The following ARHGAP39 variants were observed in gnomAD, a reference collection of about 807,000 sequenced individuals.
The protein encoded by ARHGAP39 is Rho GTPase activating protein 39.
A neutral mutation model predicts 106.9 loss-of-function variants in ARHGAP39; 44 were observed. The ratio of observed to expected loss-of-function variants is 0.41; its 90% CI spans 0.32 to 0.53. The LOEUF is 0.53. ARHGAP39 is among the 20% of genes least tolerant of loss of function. ARHGAP39 has a pLI of 0.21. For synonymous variants in ARHGAP39, 768 were observed against 693.2 expected (o/e 1.11, Z -1.69); for missense variants, 1,496 against 1,577.3 (o/e 0.95, Z 0.87).
At chr8:144,563,801 T>G (rs1260670341) in intron 3 of ARHGAP39, among the ~76,000 whole-genome samples, 2 of 151,784 alleles carry the variant, frequency 1.3e-5, no homozygotes, top group Non-Finnish European at 2.9e-5. Context: ...AAAAAAATAA[T>G]AATAAAATAA....
chr8:144,543,686 C>T (rs529843263), intron 6 of ARHGAP39, among the ~76,000 whole-genome samples: 67 of 152,346 alleles, frequency 4.4e-4, no homozygotes, highest in African/African-American at 1.5e-3. Flanking sequence ...GTGTAAGGCA[C>T]AAGGACAAAG....
In ARHGAP39 at chr8:144,530,694, G is replaced by A. The variant is rs753575788; in HGVS notation, c.3150+8C>T. ...GAAAGCAGCGGGGACCCCCGGGGAG[G>A]GAAGTACCTGCAGGAAGCGGATGAG... On this transcript the variant is annotated splice_region_variant and intron_variant, in intron 11 of 11. Coordinates refer to ENST00000377307, the MANE Select transcript of ARHGAP39 (RefSeq NM_025251.3). The A allele has an allele frequency of 2.1e-5, 34 of 1,588,842 alleles. No individual in the cohort carries two copies. In the African/African-American group the frequency reaches 2.3e-4, roughly 11 times the overall value.
At chr8:144,603,105 CTG>C (rs777937992) in intron 2 of ARHGAP39, among the ~76,000 whole-genome samples, 7 of 97,006 alleles carry the variant, frequency 7.2e-5, no homozygotes, top group East Asian at 3.3e-4. Context: ...GCTCATGTAT[CTG>C]TGTGCGTGGA....
At chr8:144,536,076 TG>T in intron 7 of ARHGAP39, among the ~76,000 whole-genome samples, 1 of 152,100 alleles carries the variant, frequency 6.6e-6, no homozygotes, top group East Asian at 1.9e-4. Context: ...AGTGGGATAG[TG>T]GGCAGTGCCC....
intron 1 of ARHGAP39, among the ~76,000 whole-genome samples, chr8:144,635,165 C>A (rs1359265110): frequency 6.6e-6 from 1 of 152,240 alleles, no homozygotes; most frequent in African/African-American, 2.4e-5. Context: ...TGACTCAGGG[C>A]TGCAGCCCCT....
In ARHGAP39 at chr8:144,547,759, C is replaced by G. The variant is rs1342548417; in HGVS notation, c.1327G>C (p.Val443Leu). 1 of 1,598,388 alleles carries G rather than the reference C, an allele frequency of 6.3e-7. No homozygotes were observed. The highest frequency in any genetic ancestry group is 1.7e-5 in the Admixed American group (1 of 59,368). Residue 443 changes from valine to leucine, a missense_variant, in exon 5 of 12, where the codon GTC becomes CTC. Physicochemically the swap from Val to Leu is conservative, Grantham distance 32 (BLOSUM62 1). Coordinates refer to ENST00000377307, the MANE Select transcript of ARHGAP39 (RefSeq NM_025251.3). The surrounding 1 kb of genome is among the most constrained non-coding windows in gnomAD (Gnocchi z 5.2). ...PCLLRDQRLG[V>L]KSGDYSTMEG... is the part of the protein sequence containing the mutation. ...ATGGTGCTGTAGTCTCCGGACTTGA[C>G]GCCCAGGCGCTGGTCCCTCAGCAGG...
At chr8:144,593,978 A>C (rs971014566) in intron 2 of ARHGAP39, among the ~76,000 whole-genome samples, 2 of 151,356 alleles carry the variant, frequency 1.3e-5, no homozygotes, top group Non-Finnish European at 2.9e-5. Context: ...AGTCCCAGCT[A>C]CTCGGCAGGC....
chr8:144,694,225 G>A, the ARHGAP39 span, among the ~76,000 whole-genome samples: 2 of 152,336 alleles, frequency 1.3e-5, no homozygotes, highest in South Asian at 2.1e-4. Context: ...GCCAGGTGGT[G>A]GCAGGCTTGG....
intron 3 of ARHGAP39, among the ~76,000 whole-genome samples, chr8:144,558,062 C>T (rs1003526703): frequency 6.6e-6 from 1 of 152,178 alleles, no homozygotes; most frequent in African/African-American, 2.4e-5. Flanking sequence ...TGGTGACTGG[C>T]TGGAAACCAA....
At chr8:144,600,328 G>C (rs536417182) in intron 2 of ARHGAP39, among the ~76,000 whole-genome samples, 16 of 149,504 alleles carry the variant, frequency 1.1e-4, no homozygotes, top group Non-Finnish European at 1.9e-4. Context: ...GTGTGCACTT[G>C]TGTACCTGAG....
intron 2 of ARHGAP39, among the ~76,000 whole-genome samples, chr8:144,601,569 T>C (rs1432822872): frequency 2.7e-5 from 4 of 145,468 alleles, no homozygotes; most frequent in Non-Finnish European, 4.5e-5. Context: ...CTCGTGTACC[T>C]GTGTGCATGT....
chr8:144,598,376 A>G (rs1014303534), intron 2 of ARHGAP39, among the ~76,000 whole-genome samples: 1 of 152,206 alleles, frequency 6.6e-6, no homozygotes, highest in Non-Finnish European at 1.5e-5. Context: ...CCAAGGTGCC[A>G]CATGAGGACA....
In ARHGAP39 at chr8:144,626,830, C is replaced by G. The variant is rs566960461; in HGVS notation, c.-81-21135G>C. 1.6e-4 allele frequency among the ~76,000 whole-genome samples: 24 copies of G among 152,358 alleles called. 1 individual carries two copies. The East Asian group carries it at 4.6e-3, about 29-fold the overall frequency. On this transcript the variant is annotated intron_variant, in intron 1 of 11. Coordinates refer to ENST00000377307, the MANE Select transcript of ARHGAP39 (RefSeq NM_025251.3). ...GAGACCCCTCTCTCTGCAGTTCCCC[C>G]TCCTGACACTTGAGTGGGGCTCCCC...
intron 1 of ARHGAP39, among the ~76,000 whole-genome samples, chr8:144,618,224 T>C (rs559276915): frequency 7.2e-5 from 11 of 152,340 alleles, no homozygotes; most frequent in Admixed American, 2.6e-4. Flanking sequence ...CCAGTGCCCC[T>C]TGTCCCCGCC....
chr8:144,611,074 C>T (rs1820474946), intron 1 of ARHGAP39, among the ~76,000 whole-genome samples: 1 of 152,228 alleles, frequency 6.6e-6, no homozygotes, highest in African/African-American at 2.4e-5. Context: ...CCACCTTTGC[C>T]TCCCAAAGTG....
intron 5 of ARHGAP39, among the ~76,000 whole-genome samples, chr8:144,546,826 CCTTCTCTGTTCTGTGT>C (rs1457047437): frequency 6.6e-6 from 1 of 152,212 alleles, no homozygotes; most frequent in Non-Finnish European, 1.5e-5. Context: ...GCTGCTGAGG[CCTTCTCTGTTCTGTGT>C]CTGGAGTCAG....
Position 144,547,980 on chromosome 8 carries a change from T to G in ARHGAP39, c.1106A>C (p.Gln369Pro), listed in dbSNP as rs760553797. ...CTTCTGCTTGGTGAGCACCAGCTGC[T>G]GGCAGGGCGAGGGGGGGCCCTGCTT... ...PNKQGPPSPC[Q>P]QLVLTKQKCP... The change falls in exon 5 of 12, where the codon CAG becomes CCG. Residue 369 changes from glutamine to proline, a missense_variant. Gln to Pro is a moderately conservative substitution (Grantham distance 76). This residue lies in a region of ARHGAP39 where 905 missense variants were observed against 816.4 expected (regional missense o/e 1.11). Transcript: ENST00000377307. The surrounding 1 kb of genome is among the most constrained non-coding windows in gnomAD (Gnocchi z 5.2). The G allele has an allele frequency of 5.6e-6, 9 of 1,609,238 alleles. No individual in the cohort carries two copies. The highest frequency in any genetic ancestry group is 7.6e-6 in the Non-Finnish European group (9 of 1,178,644).
At chr8:144,639,043 C>T (rs1443952172) in intron 1 of ARHGAP39, among the ~76,000 whole-genome samples, 1 of 152,140 alleles carries the variant, frequency 6.6e-6, no homozygotes, top group Non-Finnish European at 1.5e-5. Flanking sequence ...ACCTTCGGCA[C>T]GGGCCAGGAG....
chr8:144,631,430 C>T (rs1309911492), intron 1 of ARHGAP39, among the ~76,000 whole-genome samples: 1 of 152,252 alleles, frequency 6.6e-6, no homozygotes, highest in Non-Finnish European at 1.5e-5. Flanking sequence ...AACAGCCAAG[C>T]ATTTTTTCTG....
Sources: gnomAD v4.1 joint callset for allele counts (sites outside exome capture counted in the v4.1 genomes callset) on GRCh38, gnomAD v4.1.1 for gene constraint, gnomAD v4.1.1 regional missense constraint, Gnocchi (gnomAD v3.1) non-coding constraint, MANE v1.5 for transcripts, NCBI Gene and HGNC (gene_info 2026-07-23, HGNC 2026-07-21) for gene names.